CACNA2D1: variants seen among roughly 807,000 people sequenced by gnomAD.
CACNA2D1 encodes voltage-dependent calcium channel subunit alpha-2/delta-1.
CACNA2D1 carries 53 observed loss-of-function variants against 171.5 expected under a neutral mutation model. The observed-to-expected ratio is 0.31, with a 90% confidence interval of 0.25 to 0.39. The LOEUF (loss-of-function observed/expected upper bound fraction) is 0.39, where lower values mean the gene tolerates loss of function less well. Ranked by LOEUF, CACNA2D1 falls within the 10% of genes least tolerant of loss-of-function variation. The pLI is 1.00. For missense variants in CACNA2D1, 903 were observed against 1,299.8 expected, an observed-to-expected ratio of 0.69 and a Z score of 4.69; for synonymous variants, 442 against 443.1, an observed-to-expected ratio of 1.00 and a Z score of 0.03.
At chr7:81,982,715 A>G (rs1584282436) in intron 23 of CACNA2D1, 88 bp from the exon 24 acceptor site, 1 of 851,188 alleles carries the variant, frequency 1.2e-6, no homozygotes, top group Non-Finnish European at 2.0e-6. Flanking sequence ...GAGAAAGATT[A>G]CCTAATAAGA....
At chr7:82,392,666 A>G (rs551612361) in intron 1 of CACNA2D1, among the ~76,000 whole-genome samples, 4 of 152,296 alleles carry the variant, frequency 2.6e-5, no homozygotes, top group South Asian at 4.1e-4. Flanking sequence ...GCCACGAAAA[A>G]TCCTGCATCA....
chr7:81,961,034 A>AT (rs970936672), intron 36 of CACNA2D1, among the ~76,000 whole-genome samples: 77 of 148,956 alleles, frequency 5.2e-4, no homozygotes, highest in Admixed American at 7.4e-4. Context: ...CTCTTGCAAA[A>AT]TTTTTTTTTT....
intron 1 of CACNA2D1, among the ~76,000 whole-genome samples, chr7:82,418,836 A>G (rs917515551): frequency 6.6e-6 from 1 of 152,194 alleles, no homozygotes; most frequent in African/African-American, 2.4e-5. Flanking sequence ...ACTAAACATT[A>G]GGCTGGGCAC....
chr7:82,189,741 A>G (rs759234452), intron 3 of CACNA2D1, among the ~76,000 whole-genome samples: 1 of 151,888 alleles, frequency 6.6e-6, no homozygotes, highest in Non-Finnish European at 1.5e-5. Flanking sequence ...ATAAGGGAGA[A>G]GAATACGGAC....
At chr7:81,995,063 G>A (rs1300312494) in intron 19 of CACNA2D1, 124 bp from the exon 20 acceptor site, 3 of 596,998 alleles carry the variant, frequency 5.0e-6, no homozygotes, top group East Asian at 2.8e-5. Context: ...AAAAATAGGG[G>A]GTTAGTTTTA....
chr7:82,359,079 C>T (rs1585642653), intron 1 of CACNA2D1, among the ~76,000 whole-genome samples: 1 of 152,134 alleles, frequency 6.6e-6, no homozygotes, highest in African/African-American at 2.4e-5. Context: ...TAGTTACAAC[C>T]TCTAGCATAG....
At chr7:82,182,423 T>C (rs1797221621) in intron 3 of CACNA2D1, among the ~76,000 whole-genome samples, 1 of 152,142 alleles carries the variant, frequency 6.6e-6, no homozygotes, top group Non-Finnish European at 1.5e-5. Flanking sequence ...TTCATGTGGG[T>C]CTGATTATTC....
chr7:82,043,194 A>C (rs1476032264), intron 10 of CACNA2D1, among the ~76,000 whole-genome samples: 1 of 152,218 alleles, frequency 6.6e-6, no homozygotes, highest in African/African-American at 2.4e-5. Flanking sequence ...GATGAATTGC[A>C]TCTTAGCTCT....
intron 3 of CACNA2D1, among the ~76,000 whole-genome samples, chr7:82,236,240 C>T (rs1000370303): frequency 6.6e-6 from 1 of 151,974 alleles, no homozygotes; most frequent in Admixed American, 6.6e-5. Flanking sequence ...ACTTCCTAGG[C>T]CAAATGTTAT....
intron 3 of CACNA2D1, among the ~76,000 whole-genome samples, chr7:82,171,248 G>C (rs1443441912): frequency 3.9e-5 from 6 of 152,060 alleles, no homozygotes; most frequent in Non-Finnish European, 8.8e-5. Flanking sequence ...CTTTCGAAAT[G>C]CTATTCCATT....
At chr7:82,015,722 C>A (rs184251759) in intron 12 of CACNA2D1, among the ~76,000 whole-genome samples, 1 of 152,242 alleles carries the variant, frequency 6.6e-6, no homozygotes, top group East Asian at 1.9e-4. Flanking sequence ...TTCATGTTGA[C>A]TGACTATTTG....
chr7:81,965,533 T>C (rs1794628315), intron 32 of CACNA2D1, 61 bp downstream of exon 32: 2 of 867,508 alleles, frequency 2.3e-6, no homozygotes, highest in Admixed American at 1.7e-5. Flanking sequence ...AGAGGTTTTG[T>C]AATGTTGATC....
intron 1 of CACNA2D1, among the ~76,000 whole-genome samples, chr7:82,431,760 C>A (rs534014529): frequency 6.7e-6 from 1 of 149,362 alleles, no homozygotes; most frequent in South Asian, 2.1e-4. Flanking sequence ...AAACATGAGG[C>A]CAGGCGCAGT....
chr7:82,379,342 C>A (rs1442468864), intron 1 of CACNA2D1, among the ~76,000 whole-genome samples: 2 of 152,132 alleles, frequency 1.3e-5, no homozygotes, highest in Non-Finnish European at 1.5e-5. Context: ...TTAAGCCCTT[C>A]TCCCTAGAAA....
At chr7:81,995,063 G>T in intron 19 of CACNA2D1, 124 bp from the exon 20 acceptor site, 1 of 597,116 alleles carries the variant, frequency 1.7e-6, no homozygotes, top group East Asian at 2.8e-5. Flanking sequence ...AAAAATAGGG[G>T]GTTAGTTTTA....
In CACNA2D1 at chr7:81,950,342, T is replaced by A. The variant is rs761167589; in HGVS notation, c.*50A>T. ...TTACTGTAATTGAGGGCAGGGCTCA[T>A]GTTTTGGCAGGGTCTGGAGTTTAAC... On this transcript the variant is annotated 3_prime_UTR_variant, in exon 39 of 39. Coordinates refer to ENST00000356860, the MANE Select transcript of CACNA2D1 (RefSeq NM_000722.4). 24 of 1,612,562 alleles carry A rather than the reference T, an allele frequency of 1.5e-5. No individual in the cohort carries two copies. The highest frequency in any genetic ancestry group is 2.0e-5 in the Non-Finnish European group (24 of 1,179,098).
rs1484253613 is a variant in CACNA2D1 at position 82,130,001 on chromosome 7, T to C, written c.396+6634A>G. On this transcript the variant is annotated intron_variant, in intron 5 of 38. Transcript: ENST00000356860. The stretch of plus-strand genomic sequence containing the variant: ...CAAGTCTGGACTAAGGTTGGGATAG[T>C]AGGGAAAGGATCTCTCTAAAAATTA... 2.0e-5 allele frequency among the ~76,000 whole-genome samples: 3 copies of C among 152,184 alleles called. No individual in the cohort carries two copies. In the East Asian group the frequency reaches 5.8e-4, roughly 29 times the overall value.
intron 38 of CACNA2D1, among the ~76,000 whole-genome samples, chr7:81,952,545 CATTTGACAAAT>C (rs1382185827): frequency 1.3e-5 from 2 of 152,112 alleles, no homozygotes; most frequent in Non-Finnish European, 2.9e-5. Context: ...CTTTCAGAAG[CATTTGACAAAT>C]ATATGACATT....
intron 6 of CACNA2D1, among the ~76,000 whole-genome samples, chr7:82,095,566 A>C (rs1180452462): frequency 6.6e-6 from 1 of 152,208 alleles, no homozygotes; most frequent in Non-Finnish European, 1.5e-5. Context: ...TATGTACAAT[A>C]GCTAGGGTTG....
Sources: gnomAD v4.1 joint callset for allele counts (sites outside exome capture counted in the v4.1 genomes callset) on GRCh38, gnomAD v4.1.1 for gene constraint, MANE v1.5 for transcripts, NCBI Gene and HGNC (gene_info 2026-07-23, HGNC 2026-07-21) for gene names.